The following PER3 variants were observed in gnomAD, a reference collection of about 807,000 sequenced individuals.
PER3 encodes the protein period circadian protein homolog 3.
A neutral mutation model predicts 127.2 loss-of-function variants in PER3; 107 were observed. That is an observed-to-expected ratio of 0.84 (90% CI 0.72 to 0.99). PER3 has a LOEUF of 0.99. Among genes scored for constraint, PER3 ranks in the 50% least tolerant of loss-of-function variants. The pLI, the probability that PER3 is intolerant of heterozygous loss-of-function variation, is 0.00. For synonymous variants in PER3, 618 were observed against 585.8 expected (o/e 1.05, Z -0.79); for missense variants, 1,560 against 1,525.8 (o/e 1.02, Z -0.37).
chr1:7,789,435 T>C (rs535487651), intron 5 of PER3, among the ~76,000 whole-genome samples: 1 of 152,186 alleles, frequency 6.6e-6, no homozygotes, highest in Non-Finnish European at 1.5e-5. Flanking sequence ...GCACAAGCTC[T>C]CTCTCTTTGC....
intron 13 of PER3, chr1:7,811,595 A>T (rs2097219580): frequency 6.6e-6 from 1 of 152,234 alleles, no homozygotes; most frequent in African/African-American, 2.4e-5. Flanking sequence ...AAGGGGACAA[A>T]CGCTGTGTCC....
At chr1:7,787,859 G>C in intron 4 of PER3, 186 bp from the exon 5 acceptor site, 1 of 602,254 alleles carries the variant, frequency 1.7e-6, no homozygotes, top group South Asian at 2.0e-5. Context: ...GTGAAGTGCA[G>C]GTCTTAGGAG....
At chr1:7,837,678 A>G (rs1387134527) in intron 21 of PER3, among the ~76,000 whole-genome samples, 2 of 152,214 alleles carry the variant, frequency 1.3e-5, no homozygotes, top group Non-Finnish European at 2.9e-5. Flanking sequence ...AATGGTCCCA[A>G]CCAGTGTTGG....
chr1:7,821,910 G>A (rs773723762), intron 16 of PER3, among the ~76,000 whole-genome samples: 25 of 152,204 alleles, frequency 1.6e-4, no homozygotes, highest in Non-Finnish European at 2.5e-4. Context: ...GTCTAAGGAC[G>A]ATGGTCACAA....
At chr1:7,829,033 A>G (rs1291396944) in intron 18 of PER3, among the ~76,000 whole-genome samples, 1 of 152,136 alleles carries the variant, frequency 6.6e-6, no homozygotes, top group Non-Finnish European at 1.5e-5. Flanking sequence ...TATTTCTTAG[A>G]GATAGGCTGG....
At chr1:7,784,557 T>G (rs2150390287) in intron 1 of PER3, 97 bp from the exon 2 acceptor site, 1 of 209,012 alleles carries the variant, frequency 4.8e-6, no homozygotes, top group Non-Finnish European at 9.5e-6. Flanking sequence ...GGGGCAGGGG[T>G]GAGGACCGCG....
chr1:7,788,318 G>A, intron 5 of PER3, 72 bp downstream of exon 5: 1 of 1,038,406 alleles, frequency 9.6e-7, no homozygotes, highest in Admixed American at 1.9e-5. Context: ...GAATAGTACA[G>A]AAATTAACAT....
chr1:7,804,679 G>A (rs2097185408), intron 10 of PER3, among the ~76,000 whole-genome samples: 2 of 151,432 alleles, frequency 1.3e-5, no homozygotes, highest in African/African-American at 4.9e-5. Flanking sequence ...GAATTTTGAA[G>A]GTACGAGCCA....
intron 3 of PER3, among the ~76,000 whole-genome samples, chr1:7,786,155 T>C (rs2097089335): frequency 6.6e-6 from 1 of 152,114 alleles, no homozygotes; most frequent in African/African-American, 2.4e-5. Context: ...TTCGGGAGGC[T>C]GAGACAGGAG....
chr1:7,839,184 A>G (rs2097372547), intron 21 of PER3, among the ~76,000 whole-genome samples: 2 of 152,158 alleles, frequency 1.3e-5, no homozygotes, highest in African/African-American at 4.8e-5. Flanking sequence ...TGTAATTTAT[A>G]CCAGCTTAAC....
intron 19 of PER3, among the ~76,000 whole-genome samples, chr1:7,832,845 T>A (rs1196464652): frequency 6.6e-6 from 1 of 151,224 alleles, no homozygotes; most frequent in East Asian, 1.9e-4. Context: ...AAATTTTTTT[T>A]TTTTTTTTTT....
At chr1:7,790,523 G>T (rs1390018130) in intron 5 of PER3, among the ~76,000 whole-genome samples, 1 of 152,168 alleles carries the variant, frequency 6.6e-6, no homozygotes, top group Non-Finnish European at 1.5e-5. Flanking sequence ...AGATTTGGGT[G>T]GGGATACAGC....
intron 13 of PER3, among the ~76,000 whole-genome samples, chr1:7,815,814 T>C (rs999856749): frequency 6.8e-6 from 1 of 147,788 alleles, no homozygotes; most frequent in Admixed American, 6.8e-5. Flanking sequence ...TGAAACTCTG[T>C]CTCGACTAAA....
At chr1:7,808,481 T>G (rs2097205744) in intron 10 of PER3, among the ~76,000 whole-genome samples, 1 of 152,196 alleles carries the variant, frequency 6.6e-6, no homozygotes, top group African/African-American at 2.4e-5. Flanking sequence ...ATAGCTTAAG[T>G]GTTAGGTGCA....
rs915780231 is a variant in PER3, at chr1:7,843,801, A to G, written c.*1046A>G. The G allele has an allele frequency of 2.0e-5, 14 of 683,618 alleles. No individual in the cohort carries two copies. Among genetic ancestry groups the G allele is most frequent in the South Asian group, 5.1e-5 (2 of 39,104 alleles). The allele number at this position is 683,618 out of a possible 1,614,324, so 42.3% of individuals were successfully genotyped here. The stretch of plus-strand genomic sequence containing the variant: ...TCGCCCACAGGGTCCTGCAGGCTCC[A>G]TCAGTCACCGCTTTCTATGGCGTTT... On this transcript the variant is annotated 3_prime_UTR_variant, in exon 22 of 22. Coordinates refer to ENST00000377532, the MANE Select transcript of PER3 (RefSeq NM_001377275.1).
chr1:7,788,313 G>C, intron 5 of PER3, 67 bp downstream of exon 5: 1 of 1,101,002 alleles, frequency 9.1e-7, no homozygotes. Flanking sequence ...TACAGGAATA[G>C]TACAGAAATT....
chr1:7,807,233 A>G (rs2097199024), intron 10 of PER3, among the ~76,000 whole-genome samples: 1 of 152,172 alleles, frequency 6.6e-6, no homozygotes, highest in Non-Finnish European at 1.5e-5. Context: ...TTATATATTC[A>G]GGTACTGCTT....
In PER3 at chr1:7,827,252, G is replaced by A; in HGVS notation, c.2323G>A (p.Ala775Thr). The A allele has an allele frequency of 6.2e-7, 1 of 1,613,866 alleles. No individual in the cohort carries two copies. Among genetic ancestry groups the A allele is most frequent in the Non-Finnish European group, 8.5e-7 (1 of 1,179,918 alleles). The change falls in exon 18 of 22, where the codon GCA becomes ACA. Residue 775 changes from alanine (A) to threonine (T), a missense_variant. Physicochemically the swap from Ala to Thr is moderately conservative, Grantham distance 58 (BLOSUM62 0). Transcript: ENST00000377532. Reference protein sequence around the residue: ...SGPRRGAHQNAQPCCPSAASS... With the variant: ...SGPRRGAHQNTQPCCPSAASS... The stretch of plus-strand genomic sequence containing the variant: ...TCCCCGCAGGGGAGCGCATCAGAAC[G>A]CACAGCCCTGCTGCCCCTCCGCGGC...
In PER3 at chr1:7,784,325, G is replaced by T; in HGVS notation, c.-276G>T. The T allele has an allele frequency of 6.6e-6, 1 of 150,398 alleles. No individual in the cohort carries two copies. Among genetic ancestry groups the T allele is most frequent in the South Asian group, 2.0e-4 (1 of 4,950 alleles). The allele number at this position is 150,398 out of a possible 1,614,324, so 9.3% of individuals were successfully genotyped here. On this transcript the variant is annotated 5_prime_UTR_variant, in exon 1 of 22. Coordinates refer to ENST00000377532, the MANE Select transcript of PER3 (RefSeq NM_001377275.1). ...GCGGCGAGCCTCGAGACTGCGCGAG[G>T]GCGGCCCCGGGGGCGAGCGGCTGTG...
Sources: allele counts gnomAD v4.1 joint callset (sites outside exome capture counted in the v4.1 genomes callset), GRCh38; gene constraint gnomAD v4.1.1; transcripts MANE v1.5; gene names NCBI Gene and HGNC (gene_info 2026-07-23, HGNC 2026-07-21).